MYOM2: variants seen among roughly 807,000 people sequenced by gnomAD.
The protein encoded by MYOM2 is myomesin 2, also known as myomesin-2.
Under a neutral mutation model 187.6 loss-of-function variants are expected in MYOM2, and 254 were observed. The observed-to-expected ratio is 1.35, with a 90% CI of 1.22 to 1.50. MYOM2 has a LOEUF of 1.50. Among genes scored for constraint, MYOM2 ranks in the 40% most tolerant of loss-of-function variants. The pLI is 0.00. For synonymous variants in MYOM2, 981 were observed against 753.8 expected, an observed-to-expected ratio of 1.30 and a Z score of -4.94; for missense variants, 2,796 against 1,924.0, an observed-to-expected ratio of 1.45 and a Z score of -8.48.
Position 2,134,930 on chromosome 8 carries a change from C to T in MYOM2, c.3800+5698C>T, listed in dbSNP as rs191677305. Among the ~76,000 whole-genome samples, 396 of 152,180 alleles carry T rather than the reference C, an allele frequency of 2.6e-3. 4 individuals are homozygous for T. Among genetic ancestry groups the T allele is most frequent in the African/African-American group, 8.3e-3 (346 of 41,502 alleles). ...AGAGACTATCGATGTCTCAGGGAGC[C>T]GCGGGTCTTACATGCTCTGGAGACA... is the stretch of plus-strand genomic sequence containing the variant. On this transcript the variant is annotated intron_variant, in intron 32 of 36. Transcript: ENST00000262113.
At chr8:2,096,567 A>C in intron 18 of MYOM2, 133 bp downstream of exon 18, 1 of 889,276 alleles carries the variant, frequency 1.1e-6, no homozygotes, top group Non-Finnish European at 1.7e-6. Context: ...GCATCATGAG[A>C]TCATGAAGTT....
At chr8:2,067,506 G>C (rs1448126660) in intron 6 of MYOM2, among the ~76,000 whole-genome samples, 1 of 152,178 alleles carries the variant, frequency 6.6e-6, no homozygotes, top group Non-Finnish European at 1.5e-5. Flanking sequence ...GCTACTTGAG[G>C]ATGAACGTGG....
intron 32 of MYOM2, among the ~76,000 whole-genome samples, chr8:2,135,243 C>G (rs528482384): frequency 1.3e-5 from 2 of 152,238 alleles, no homozygotes. Flanking sequence ...TTCAGTGTTT[C>G]CTACAATTAA....
chr8:2,138,715 C>G (rs560758122), intron 32 of MYOM2, among the ~76,000 whole-genome samples: 40 of 152,212 alleles, frequency 2.6e-4, no homozygotes, highest in Admixed American at 2.3e-3. Flanking sequence ...CAGTTATGTT[C>G]CAAAGTCGCT....
At chr8:2,096,014 A>G (rs983921628) in intron 17 of MYOM2, among the ~76,000 whole-genome samples, 2 of 152,222 alleles carry the variant, frequency 1.3e-5, no homozygotes, top group African/African-American at 4.8e-5. Context: ...TACACTTAGA[A>G]ATAGCAATAC....
At chr8:2,094,221 C>G in intron 17 of MYOM2, 130 bp downstream of exon 17, 5 of 1,214,338 alleles carry the variant, frequency 4.1e-6, no homozygotes, top group Middle Eastern at 4.0e-4. Context: ...GAACAGAGAA[C>G]TTGAGTTTCT....
intron 14 of MYOM2, among the ~76,000 whole-genome samples, chr8:2,087,222 T>G (rs180806720): frequency 3.5e-4 from 54 of 152,344 alleles, no homozygotes; most frequent in African/African-American, 1.2e-3. Flanking sequence ...ATATGTAATA[T>G]GTAATACAAT....
intron 36 of MYOM2, 29 bp from the exon 37 acceptor site, chr8:2,144,634 TC>T (rs1563088425): frequency 1.9e-6 from 3 of 1,607,528 alleles, no homozygotes; most frequent in Non-Finnish European, 2.5e-6. Flanking sequence ...TTCTAACTCT[TC>T]CTTCTCCACC....
intron 32 of MYOM2, among the ~76,000 whole-genome samples, chr8:2,131,161 C>T (rs948899250): frequency 2.6e-5 from 4 of 152,154 alleles, no homozygotes; most frequent in African/African-American, 9.7e-5. Context: ...TGTGTGTGAC[C>T]ACACAGGAAG....
At chr8:2,130,016 G>A (rs76154835) in intron 32 of MYOM2, among the ~76,000 whole-genome samples, 4,196 of 152,118 alleles carry the variant, frequency 0.028, 59 homozygotes, top group Middle Eastern at 0.048. Context: ...AAAGGATGAC[G>A]TGTTCAGGCC....
At chr8:2,107,675 C>T (rs371353648) in intron 23 of MYOM2, among the ~76,000 whole-genome samples, 1 of 152,118 alleles carries the variant, frequency 6.6e-6, no homozygotes, top group Admixed American at 6.5e-5. Flanking sequence ...CGCACTGTCT[C>T]GCCTTTCTGG....
chr8:2,061,596 C>T (rs1818853454), intron 6 of MYOM2, among the ~76,000 whole-genome samples: 1 of 152,108 alleles, frequency 6.6e-6, no homozygotes. Context: ...AGGGGGTCCA[C>T]CAGCTCCTCT....
chr8:2,085,178 G>A, intron 13 of MYOM2, 85 bp from the exon 14 acceptor site: 4 of 1,509,470 alleles, frequency 2.6e-6, no homozygotes, highest in Non-Finnish European at 2.7e-6. Flanking sequence ...ACACCCACGT[G>A]GCAGAGTCCT....
In MYOM2 at chr8:2,141,094, A is replaced by G. The variant is rs372298389; in HGVS notation, c.3965-47A>G. ...TATAATATTTGAGTGAATAAATAAAATCTGAACACTGAAATGGTTAGTAAC... is the reference window on the plus strand; with the variant it reads ...TATAATATTTGAGTGAATAAATAAAGTCTGAACACTGAAATGGTTAGTAAC... On this transcript the variant is annotated intron_variant, in intron 33 of 36. Transcript: ENST00000262113. The G allele has an allele frequency of 5.7e-6, 9 of 1,572,450 alleles. No homozygotes were observed. The African/African-American group carries it at 9.4e-5, about 16-fold the overall frequency.
intron 25 of MYOM2, among the ~76,000 whole-genome samples, chr8:2,113,819 C>G (rs1034334449): frequency 3.3e-5 from 5 of 152,214 alleles, no homozygotes; most frequent in African/African-American, 1.2e-4. Flanking sequence ...GCTAAGCCCC[C>G]TCCAGCTGAC....
chr8:2,064,928 A>T (rs993493229), intron 6 of MYOM2, among the ~76,000 whole-genome samples: 10 of 152,222 alleles, frequency 6.6e-5, no homozygotes, highest in Non-Finnish European at 7.3e-5. Context: ...AAGACTTAGA[A>T]ATTGTGTTGC....
In MYOM2 at chr8:2,144,443, T is replaced by A. The variant is rs150578818; in HGVS notation, c.4081-221T>A. Among the ~76,000 whole-genome samples the A allele has an allele frequency of 4.7e-3, 714 of 152,296 alleles. 14 individuals carry two copies. Among genetic ancestry groups the A allele is most frequent in the East Asian group, 0.044 (230 of 5,176 alleles). ...AATAAATAGGACACATGCTCACTGA[T>A]TTTTTTACGAGCTCGCCTGTGAAGT... On this transcript the variant is annotated intron_variant, in intron 36 of 36. Transcript: ENST00000262113.
chr8:2,098,804 G>T, intron 18 of MYOM2, 53 bp from the exon 19 acceptor site: 1 of 1,539,722 alleles, frequency 6.5e-7, no homozygotes. Context: ...CCCCCTCAGT[G>T]GGCTGTAAGG....
At chr8:2,101,768 C>G (rs890029640) in intron 20 of MYOM2, among the ~76,000 whole-genome samples, 2 of 152,236 alleles carry the variant, frequency 1.3e-5, no homozygotes, top group Non-Finnish European at 1.5e-5. Context: ...ATTTAATTTA[C>G]TTAATTCATG....
Sources: gnomAD v4.1 joint callset for allele counts (sites outside exome capture counted in the v4.1 genomes callset) on GRCh38, gnomAD v4.1.1 for gene constraint, MANE v1.5 for transcripts, NCBI Gene and HGNC (gene_info 2026-07-23, HGNC 2026-07-21) for gene names.